DHX36: variants seen among roughly 807,000 people sequenced by gnomAD.
The protein encoded by DHX36 is DEAH-box helicase 36, also known as ATP-dependent DNA/RNA helicase DHX36.
Under a neutral mutation model 139.0 loss-of-function variants are expected in DHX36, and 50 were observed. That is an observed-to-expected ratio of 0.36 (90% CI 0.29 to 0.46). DHX36 has a LOEUF of 0.46. DHX36 is among the 20% of genes least tolerant of loss of function. DHX36 has a pLI of 1.00. For synonymous variants in DHX36, 425 were observed against 401.9 expected, an observed-to-expected ratio of 1.06 and a Z score of -0.69; for missense variants, 1,024 against 1,211.3, an observed-to-expected ratio of 0.85 and a Z score of 2.29.
chr3:154,283,360 T>C (rs1200837798), intron 19 of DHX36, 89 bp from the exon 20 acceptor site: 2 of 840,166 alleles, frequency 2.4e-6, no homozygotes, highest in East Asian at 5.1e-5. Context: ...AAAAGCTTAA[T>C]ATTCTACTAA....
intron 12 of DHX36, among the ~76,000 whole-genome samples, chr3:154,297,842 A>C (rs1299268174): frequency 6.6e-6 from 1 of 152,198 alleles, no homozygotes; most frequent in Non-Finnish European, 1.5e-5. Context: ...AAAAAAATTT[A>C]TATTGTTGAC....
intron 14 of DHX36, 137 bp from the exon 15 acceptor site, chr3:154,292,831 A>G: frequency 7.3e-7 from 1 of 1,376,106 alleles, no homozygotes; most frequent in Non-Finnish European, 9.6e-7. Context: ...TTATTACATC[A>G]AATGATTTTA....
chr3:154,281,626 A>C (rs1719339848), intron 20 of DHX36, among the ~76,000 whole-genome samples: 2 of 152,238 alleles, frequency 1.3e-5, no homozygotes, highest in African/African-American at 4.8e-5. Context: ...TTGTATTTTC[A>C]TAACAGAAAT....
At chr3:154,321,926 C>CA (rs36004138) in intron 1 of DHX36, among the ~76,000 whole-genome samples, 58,014 of 111,652 alleles carry the variant, frequency 0.52, 13,143 homozygotes, top group South Asian at 0.62. Flanking sequence ...GACTCCAACT[C>CA]AAAAAAAAAA....
At chr3:154,315,333 TG>T in intron 2 of DHX36, 53 bp from the exon 3 acceptor site, 2 of 1,312,778 alleles carry the variant, frequency 1.5e-6, no homozygotes, top group Non-Finnish European at 2.1e-6. Context: ...ACTCAAACAC[TG>T]GAACAAAACA....
At position 154,324,158 on chromosome 3, in the gene DHX36, C is replaced by A; in HGVS notation, c.243+16G>T. ...CTGTGCTGCCTCATCCTCTCCACTA[C>A]TGAATCCGAGATTACCTCTTGCCTC... On this transcript the variant is annotated intron_variant, in intron 1 of 24. Transcript: ENST00000496811. 1 of 1,604,570 alleles carries A rather than the reference C, an allele frequency of 6.2e-7. No individual in the cohort carries two copies. Among genetic ancestry groups the A allele is most frequent in the Non-Finnish European group, 8.5e-7 (1 of 1,173,848 alleles).
Position 154,275,706 on chromosome 3 carries a change from T to C in DHX36, c.*465A>G, listed in dbSNP as rs1216199034. The C allele has an allele frequency of 6.6e-6, 1 of 152,658 alleles. No homozygotes were observed. The highest frequency in any genetic ancestry group is 1.5e-5 in the Non-Finnish European group (1 of 68,058). The allele number at this position is 152,658 out of a possible 1,614,324, so 9.5% of individuals were successfully genotyped here. On this transcript the variant is annotated 3_prime_UTR_variant, in exon 25 of 25. Transcript: ENST00000496811. ...TGTACATTTTATTAAATACTGGACT[T>C]TATTACAACAAATTAATTTACTTCC...
intron 14 of DHX36, 74 bp from the exon 15 acceptor site, chr3:154,292,768 G>C (rs1711877360): frequency 6.5e-7 from 1 of 1,538,720 alleles, no homozygotes. Flanking sequence ...CACATCGAAA[G>C]CACTATTAAC....
chr3:154,283,356 T>G (rs1349308716), intron 19 of DHX36, 85 bp from the exon 20 acceptor site: 4 of 880,392 alleles, frequency 4.5e-6, no homozygotes, highest in Non-Finnish European at 7.3e-6. Context: ...TAGTAAAAGC[T>G]TAATATTCTA....
At position 154,288,999 on chromosome 3, in the gene DHX36, T is replaced by A. The variant is rs760136378; in HGVS notation, c.1933-35A>T. On this transcript the variant is annotated intron_variant, in intron 16 of 24. Transcript: ENST00000496811. ...GGAGACAAATATTATTAAATACATA[T>A]AATATTAATATATTAGCATTACAAC... 5 of 1,053,762 alleles carry A rather than the reference T, an allele frequency of 4.7e-6. No homozygotes were observed. In the African/African-American group the frequency reaches 4.9e-5, roughly 10 times the overall value. 65.3% of individuals were successfully genotyped at this position (1,053,762 alleles called of 1,614,324 possible).
intron 6 of DHX36, 69 bp downstream of exon 6, chr3:154,306,145 CTT>C (rs2108356498): frequency 1.7e-6 from 2 of 1,150,756 alleles, no homozygotes; most frequent in African/African-American, 3.1e-5. Flanking sequence ...GGAAAATATC[CTT>C]TCTTTTGAAT....
At chr3:154,291,226 G>C (rs144011827) in intron 15 of DHX36, among the ~76,000 whole-genome samples, 33 of 149,336 alleles carry the variant, frequency 2.2e-4, no homozygotes, top group South Asian at 4.3e-4. Flanking sequence ...AAGGTTTGCA[G>C]AAGGAATTTT....
At chr3:154,290,414 T>C (rs1246494016) in intron 15 of DHX36, among the ~76,000 whole-genome samples, 1 of 151,678 alleles carries the variant, frequency 6.6e-6, no homozygotes, top group African/African-American at 2.4e-5. Context: ...GGTGGGTGTA[T>C]CACCTAAAGT....
chr3:154,312,818 A>C (rs1576880080), intron 3 of DHX36, among the ~76,000 whole-genome samples: 1 of 134,962 alleles, frequency 7.4e-6, no homozygotes, highest in Non-Finnish European at 1.6e-5. Flanking sequence ...ACAGAGCAAG[A>C]CTCCATCTCA....
intron 22 of DHX36, chr3:154,280,333 A>C: frequency 2.6e-6 from 1 of 380,834 alleles, no homozygotes; most frequent in Non-Finnish European, 4.7e-6. Context: ...TAATATTTAC[A>C]CTGGTATCAT....
chr3:154,306,874 C>T (rs980103651), intron 5 of DHX36, among the ~76,000 whole-genome samples: 1 of 151,958 alleles, frequency 6.6e-6, no homozygotes, highest in African/African-American at 2.4e-5. Context: ...AGAAATAATA[C>T]TTTACAAGTA....
chr3:154,278,196 TAC>T (rs1416554149), intron 22 of DHX36, among the ~76,000 whole-genome samples: 1 of 152,112 alleles, frequency 6.6e-6, no homozygotes, highest in African/African-American at 2.4e-5. Flanking sequence ...TTAAAAATTT[TAC>T]AGAGTATGAC....
intron 5 of DHX36, among the ~76,000 whole-genome samples, chr3:154,307,791 A>G (rs1041939745): frequency 4.2e-5 from 6 of 143,742 alleles, no homozygotes; most frequent in African/African-American, 1.4e-4. Flanking sequence ...AAAGAAATCA[A>G]TGTGTCAAAA....
intron 12 of DHX36, 112 bp from the exon 13 acceptor site, chr3:154,295,451 A>C: frequency 2.0e-6 from 1 of 491,080 alleles, no homozygotes; most frequent in African/African-American, 2.0e-5. Context: ...TTTTTTGATA[A>C]GACATTGAAC....
Sources: gnomAD v4.1 joint callset for allele counts (sites outside exome capture counted in the v4.1 genomes callset) on GRCh38, gnomAD v4.1.1 for gene constraint, MANE v1.5 for transcripts, NCBI Gene and HGNC (gene_info 2026-07-23, HGNC 2026-07-21) for gene names.